Variants in FGD4 observed in about 807,000 individuals in gnomAD.
FGD4 encodes FYVE, RhoGEF and PH domain-containing protein 4.
Under a neutral mutation model 102.0 loss-of-function variants are expected in FGD4, and 42 were observed. That is an observed-to-expected ratio of 0.41 (90% CI 0.32 to 0.53). The LOEUF is 0.53. Ranked by LOEUF, FGD4 falls within the 20% of genes least tolerant of loss-of-function variation. FGD4 has a pLI of 0.21. For synonymous variants in FGD4, 380 were observed against 375.7 expected (o/e 1.01, Z -0.13); for missense variants, 902 against 1,078.2 (o/e 0.84, Z 2.29).
intron 3 of FGD4, among the ~76,000 whole-genome samples, chr12:32,581,744 G>A (rs1238781325): frequency 6.6e-6 from 1 of 151,926 alleles, no homozygotes; most frequent in Non-Finnish European, 1.5e-5. Flanking sequence ...AGGTAGACTC[G>A]GGGTCATCTT....
chr12:32,632,689 T>TTTTATTTATTTA (rs1224159384), intron 14 of FGD4, among the ~76,000 whole-genome samples: 8 of 146,484 alleles, frequency 5.5e-5, no homozygotes, highest in Admixed American at 1.4e-4. Flanking sequence ...TTATTTTTAT[T>TTTTATTTATTTA]TTTATTTATT....
chr12:32,473,247 T>A (rs1395344864), intron 1 of FGD4, among the ~76,000 whole-genome samples: 2 of 152,030 alleles, frequency 1.3e-5, no homozygotes, highest in Non-Finnish European at 2.9e-5. Flanking sequence ...ATTGGCAACC[T>A]GCTCGTGTCC....
At chr12:32,445,829 A>G (rs1384683693) in intron 1 of FGD4, among the ~76,000 whole-genome samples, 1 of 152,232 alleles carries the variant, frequency 6.6e-6, no homozygotes, top group East Asian at 1.9e-4. Context: ...AAGTCCAAAG[A>G]CTGGAATTTT....
intron 1 of FGD4, among the ~76,000 whole-genome samples, chr12:32,423,772 C>T (rs1440511187): frequency 6.6e-6 from 1 of 151,610 alleles, no homozygotes; most frequent in African/African-American, 2.4e-5. Context: ...TTCCTGGAAC[C>T]AAGAGTTCTT....
intron 1 of FGD4, among the ~76,000 whole-genome samples, chr12:32,492,732 C>G (rs940922808): frequency 2.0e-5 from 3 of 152,062 alleles, no homozygotes; most frequent in Non-Finnish European, 4.4e-5. Context: ...GGAGTCATCT[C>G]TAGATGATGG....
chr12:32,478,437 T>C (rs1943640411), intron 1 of FGD4, among the ~76,000 whole-genome samples: 1 of 152,160 alleles, frequency 6.6e-6, no homozygotes, highest in Admixed American at 6.5e-5. Context: ...GCTAATGTTT[T>C]GTATTTTTTG....
chr12:32,506,437 A>G lies in FGD4; in HGVS notation c.167-57700A>G, dbSNP rs1938746790. The stretch of plus-strand genomic sequence containing the variant: ...GTGCTGCCTAGTCACTGTGGATCCC[A>G]AAGCAGGTGGGGGAGGGAGGAGCCT... On this transcript the variant is annotated intron_variant, in intron 1 of 16. Coordinates refer to ENST00000534526, the MANE Select transcript of FGD4 (RefSeq NM_001370298.3). This position sits in a 1 kb window ranked among gnomAD's most constrained non-coding sequence, Gnocchi z 4.5. Among the ~76,000 whole-genome samples, 1 of 152,162 alleles carries G rather than the reference A, an allele frequency of 6.6e-6. No individual in the cohort carries two copies.
intron 1 of FGD4, among the ~76,000 whole-genome samples, chr12:32,522,702 A>G (rs1291039588): frequency 6.6e-6 from 1 of 152,210 alleles, no homozygotes; most frequent in Non-Finnish European, 1.5e-5. Context: ...CTTCCTTCTC[A>G]AAACCTTGGG....
chr12:32,456,645 T>A (rs1052787257), intron 1 of FGD4, among the ~76,000 whole-genome samples: 2 of 152,222 alleles, frequency 1.3e-5, no homozygotes, highest in East Asian at 3.8e-4. Context: ...CAAAATGTTA[T>A]AAAGTTCAGG....
Position 32,401,790 on chromosome 12 carries a change from G to A in FGD4, c.166+1831G>A, listed in dbSNP as rs554605538. On this transcript the variant is annotated intron_variant, in intron 1 of 16. Transcript: ENST00000534526. ...GTCCCGCAGGCTGGAGTGCAGTGGC[G>A]CAATCTCGGCTCACTGCAACCTCTG... 6.8e-5 allele frequency among the ~76,000 whole-genome samples: 10 copies of A among 146,342 alleles called. No individual in the cohort carries two copies. The South Asian group carries it at 1.7e-3, about 26-fold the overall frequency.
chr12:32,502,670 CG>C (rs1197827831), intron 1 of FGD4, among the ~76,000 whole-genome samples: 68 of 152,252 alleles, frequency 4.5e-4, no homozygotes, highest in African/African-American at 1.6e-3. Context: ...TGGCCCCAAA[CG>C]TGTTCAATGC....
At chr12:32,552,688 C>T (rs1460464752) in intron 1 of FGD4, among the ~76,000 whole-genome samples, 1 of 151,992 alleles carries the variant, frequency 6.6e-6, no homozygotes, top group African/African-American at 2.4e-5. Context: ...CTTCCTGTTG[C>T]AGTGGTAAGT....
At position 32,407,127 on chromosome 12, in the gene FGD4, T is replaced by G. The variant is rs1367371605; in HGVS notation, c.166+7168T>G. On this transcript the variant is annotated intron_variant, in intron 1 of 16. Coordinates refer to ENST00000534526, the MANE Select transcript of FGD4 (RefSeq NM_001370298.3). The stretch of plus-strand genomic sequence containing the variant: ...CGCCCGGCCAAGAAGCTGTATTTTT[T>G]TTTTTTTTTTTTTTTGAGACAGAGT... Among the ~76,000 whole-genome samples the G allele has an allele frequency of 2.2e-5, 3 of 138,518 alleles. No homozygotes were observed. The East Asian group carries it at 6.6e-4, about 31-fold the overall frequency. The allele number at this position is 138,518 out of a possible 152,430, so 90.9% of individuals were successfully genotyped here.
rs576811212 is a variant in FGD4 at position 32,441,547 on chromosome 12, G to A, written c.166+41588G>A. On this transcript the variant is annotated intron_variant, in intron 1 of 16. Transcript: ENST00000534526. ...GCTGGTGTCCAAAATGCAAGATAAC[G>A]TCCTCCCCGCTTTTTCCTCCTCAAG... Among the ~76,000 whole-genome samples, 8 of 151,818 alleles carry A rather than the reference G, an allele frequency of 5.3e-5. No individual in the cohort carries two copies. The South Asian group carries it at 8.3e-4, about 16-fold the overall frequency.
At chr12:32,515,401 C>G (rs1939788583) in intron 1 of FGD4, among the ~76,000 whole-genome samples, 1 of 152,086 alleles carries the variant, frequency 6.6e-6, no homozygotes, top group Non-Finnish European at 1.5e-5. Flanking sequence ...TGCACAAAGC[C>G]CAGCAGATAG....
At chr12:32,543,245 G>C (rs567746705) in intron 1 of FGD4, among the ~76,000 whole-genome samples, 1 of 152,162 alleles carries the variant, frequency 6.6e-6, no homozygotes, top group Non-Finnish European at 1.5e-5. Context: ...ATAAGGTGAG[G>C]TCCAGAAGAT....
At position 32,641,404 on chromosome 12, in the gene FGD4, A is replaced by C. The variant is rs964412624; in HGVS notation, c.*871A>C. 6.6e-6 allele frequency: 1 copy of C among 152,144 alleles called. No individual in the cohort carries two copies. Among genetic ancestry groups the C allele is most frequent in the South Asian group, 2.1e-4 (1 of 4,828 alleles). The allele number at this position is 152,144 out of a possible 1,614,324, so 9.4% of individuals were successfully genotyped here. ...AGTACCATTTTTTGTTTCTGTGCCT[A>C]TTTAAAACAGTGCCTCTCTTAGAAG... On this transcript the variant is annotated 3_prime_UTR_variant, in exon 17 of 17. Transcript: ENST00000534526.
chr12:32,552,732 T>C (rs1943782848), intron 1 of FGD4, among the ~76,000 whole-genome samples: 1 of 151,726 alleles, frequency 6.6e-6, no homozygotes, highest in African/African-American at 2.4e-5. Context: ...CATGCCAAGG[T>C]ACAGCAGAGC....
chr12:32,563,051 C>CG (rs1161728891), intron 1 of FGD4, among the ~76,000 whole-genome samples: 1 of 146,562 alleles, frequency 6.8e-6, no homozygotes, highest in Non-Finnish European at 1.5e-5. Context: ...GGCTGACACC[C>CG]CCACCTCCCT....
Sources: gnomAD v4.1 joint callset for allele counts (sites outside exome capture counted in the v4.1 genomes callset) on GRCh38, gnomAD v4.1.1 for gene constraint, Gnocchi (gnomAD v3.1) non-coding constraint, MANE v1.5 for transcripts, NCBI Gene and HGNC (gene_info 2026-07-23, HGNC 2026-07-21) for gene names.